ADGRL2: variants seen among roughly 807,000 people sequenced by gnomAD.
ADGRL2 encodes calcium-independent alpha-latrotoxin receptor 2.
In ADGRL2, 44 loss-of-function variants were observed where a neutral mutation model predicts 157.4. The ratio of observed to expected loss-of-function variants is 0.28; its 90% CI spans 0.22 to 0.36. The LOEUF (loss-of-function observed/expected upper bound fraction) is 0.36. ADGRL2 is among the 10% of genes least tolerant of loss of function. The pLI is 1.00. For missense variants in ADGRL2, 1,510 were observed against 1,768.9 expected (o/e 0.85, Z 2.63); for synonymous variants, 585 against 624.7 (o/e 0.94, Z 0.95).
intron 3 of ADGRL2, among the ~76,000 whole-genome samples, chr1:81,925,514 A>G (rs1264019673): frequency 4.0e-5 from 6 of 151,756 alleles, no homozygotes; most frequent in Non-Finnish European, 8.8e-5. Flanking sequence ...AAGATCCATA[A>G]TTCGTTTTGT....
intron 2 of ADGRL2, among the ~76,000 whole-genome samples, chr1:81,786,852 C>A (rs1468840078): frequency 6.6e-6 from 1 of 152,036 alleles, no homozygotes; most frequent in East Asian, 1.9e-4. Flanking sequence ...TGTTTACTTC[C>A]ATTTGTTTGA....
At chr1:81,347,215 G>A (rs564588514) in intron 1 of ADGRL2, among the ~76,000 whole-genome samples, 8 of 152,092 alleles carry the variant, frequency 5.3e-5, no homozygotes, top group South Asian at 4.2e-4. Context: ...CCTGTCCAAC[G>A]TGGCAAAACG....
chr1:81,721,887 G>A, intron 1 of ADGRL2: 8 of 743,018 alleles, frequency 1.1e-5, no homozygotes, highest in Non-Finnish European at 1.7e-5. Context: ...TAAGAAGGTG[G>A]AGGAAAACTT....
intron 1 of ADGRL2, among the ~76,000 whole-genome samples, chr1:81,430,296 G>T (rs2077297080): frequency 6.6e-6 from 1 of 152,198 alleles, no homozygotes; most frequent in East Asian, 1.9e-4. Flanking sequence ...GTTAAAGAAT[G>T]GAGAGAAATG....
chr1:81,722,040 C>T (rs989642579), intron 1 of ADGRL2: 13 of 422,100 alleles, frequency 3.1e-5, no homozygotes, highest in African/African-American at 2.7e-4. Flanking sequence ...CGCCTGTTAT[C>T]GCAGCACTTT....
chr1:81,560,326 T>A (rs1346458923), intron 2 of ADGRL2, among the ~76,000 whole-genome samples: 2 of 152,194 alleles, frequency 1.3e-5, no homozygotes, highest in Non-Finnish European at 2.9e-5. Context: ...ATGAGTTACT[T>A]ATCCTTTCTC....
chr1:81,596,663 A>G (rs2081240039), intron 3 of ADGRL2, among the ~76,000 whole-genome samples: 1 of 151,836 alleles, frequency 6.6e-6, no homozygotes, highest in South Asian at 2.1e-4. Flanking sequence ...TTTTATTTCC[A>G]GAATCCCTAG....
chr1:81,729,878 C>T (rs936829334), intron 1 of ADGRL2, among the ~76,000 whole-genome samples: 3 of 152,330 alleles, frequency 2.0e-5, no homozygotes, highest in Admixed American at 6.5e-5. Context: ...CGGGATTGGT[C>T]ATCTTGCAGT....
upstream of ADGRL2, chr1:81,800,301 T>G (rs376258001): frequency 6.6e-6 from 1 of 152,302 alleles, no homozygotes. Flanking sequence ...TAAAAAAATG[T>G]AACTTTCATT....
chr1:81,684,569 C>G (rs1171757342), intron 3 of ADGRL2, among the ~76,000 whole-genome samples: 3 of 152,184 alleles, frequency 2.0e-5, no homozygotes, highest in Non-Finnish European at 4.4e-5. Flanking sequence ...AAGATTTTCT[C>G]CCACTCTGTG....
At chr1:81,674,737 C>G (rs912272504) in intron 3 of ADGRL2, among the ~76,000 whole-genome samples, 18 of 152,076 alleles carry the variant, frequency 1.2e-4, no homozygotes, top group African/African-American at 4.3e-4. Flanking sequence ...TACCAAGTTA[C>G]AATACAAACC....
intron 1 of ADGRL2, among the ~76,000 whole-genome samples, chr1:81,828,733 T>C (rs1441943427): frequency 6.6e-6 from 1 of 152,146 alleles, no homozygotes; most frequent in East Asian, 1.9e-4. Flanking sequence ...CCTCTCCTAC[T>C]CCATGTTTGA....
At chr1:81,561,117 C>T (rs1005137626) in intron 2 of ADGRL2, among the ~76,000 whole-genome samples, 1 of 152,098 alleles carries the variant, frequency 6.6e-6, no homozygotes, top group Non-Finnish European at 1.5e-5. Flanking sequence ...CCTTCCTCCA[C>T]AGCACACACT....
chr1:81,691,003 A>C (rs2083321840), intron 3 of ADGRL2, among the ~76,000 whole-genome samples: 1 of 152,234 alleles, frequency 6.6e-6, no homozygotes, highest in Non-Finnish European at 1.5e-5. Context: ...TCCAATCAGC[A>C]GCAGGGGAAA....
chr1:81,736,812 T>A (rs2084915257), intron 1 of ADGRL2, among the ~76,000 whole-genome samples: 1 of 152,134 alleles, frequency 6.6e-6, no homozygotes, highest in Non-Finnish European at 1.5e-5. Flanking sequence ...TTGCCTTTTC[T>A]CCTTTTATAG....
At chr1:81,548,623 TA>T (rs1178278232) in intron 2 of ADGRL2, among the ~76,000 whole-genome samples, 7 of 152,144 alleles carry the variant, frequency 4.6e-5, no homozygotes, top group Non-Finnish European at 1.0e-4. Context: ...AACTTGTATC[TA>T]GGTATTTTCA....
At chr1:81,722,282 G>A (rs941317152) in intron 1 of ADGRL2, 2 of 482,208 alleles carry the variant, frequency 4.1e-6, no homozygotes, top group African/African-American at 4.0e-5. Context: ...GACAGAGCGA[G>A]ACTCCGTCTA....
chr1:81,793,749 T>C (rs979699591), intron 2 of ADGRL2, among the ~76,000 whole-genome samples: 1 of 152,106 alleles, frequency 6.6e-6, no homozygotes, highest in African/African-American at 2.4e-5. Context: ...TACACCTGCA[T>C]AAAATATTTT....
intron 3 of ADGRL2, among the ~76,000 whole-genome samples, chr1:81,624,452 G>A (rs1337205560): frequency 5.3e-5 from 8 of 151,778 alleles, no homozygotes; most frequent in Admixed American, 6.6e-5. Flanking sequence ...GTGGTGGCCC[G>A]CGCCTGTAAT....
Sources: allele counts gnomAD v4.1 joint callset (sites outside exome capture counted in the v4.1 genomes callset), GRCh38; gene constraint gnomAD v4.1.1; transcripts MANE v1.5; gene names NCBI Gene and HGNC (gene_info 2026-07-23, HGNC 2026-07-21).